FARP1: variants seen among roughly 807,000 people sequenced by gnomAD.
The protein encoded by FARP1 is FERM, ARH/RhoGEF and pleckstrin domain protein 1.
In FARP1, 52 loss-of-function variants were observed where a neutral mutation model predicts 128.8. The ratio of observed to expected loss-of-function variants is 0.40; its 90% confidence interval spans 0.32 to 0.51. The LOEUF is 0.51. Ranked by LOEUF, FARP1 falls within the 20% of genes least tolerant of loss-of-function variation. FARP1 has a pLI of 0.45. For missense variants in FARP1, 1,333 were observed against 1,367.9 expected (o/e 0.97, Z 0.40); for synonymous variants, 580 against 551.8 (o/e 1.05, Z -0.72).
intron 1 of FARP1, among the ~76,000 whole-genome samples, chr13:98,209,904 C>T (rs763860324): frequency 5.4e-5 from 8 of 149,288 alleles, no homozygotes; most frequent in East Asian, 1.9e-4. Context: ...ATTGCTTGAA[C>T]CTGGGAGGTG....
intron 2 of FARP1, among the ~76,000 whole-genome samples, chr13:98,339,397 G>A (rs890224698): frequency 5.3e-5 from 8 of 152,152 alleles, no homozygotes; most frequent in African/African-American, 1.9e-4. Context: ...CAGCAAGGGG[G>A]AAATCTGCCC....
intron 13 of FARP1, chr13:98,395,682 G>A: frequency 5.1e-6 from 3 of 587,470 alleles, no homozygotes; most frequent in Non-Finnish European, 2.8e-6. Flanking sequence ...GGCGAAGAGA[G>A]GCTGGGCGTA....
chr13:98,282,895 GT>G (rs1341596403), intron 2 of FARP1, among the ~76,000 whole-genome samples: 1 of 151,022 alleles, frequency 6.6e-6, no homozygotes, highest in Non-Finnish European at 1.5e-5. Context: ...GCGAGACTCC[GT>G]CTCAAAAAAA....
chr13:98,281,581 A>G (rs905390563), intron 2 of FARP1, among the ~76,000 whole-genome samples: 17 of 152,186 alleles, frequency 1.1e-4, no homozygotes, highest in Non-Finnish European at 1.5e-5. Context: ...CAACAAGCAC[A>G]AGAAAGTCAC....
Position 98,270,102 on chromosome 13 carries a change from A to G in FARP1, c.171+56689A>G, listed in dbSNP as rs568999266. Among the ~76,000 whole-genome samples, 4 of 152,348 alleles carry G rather than the reference A, an allele frequency of 2.6e-5. No homozygotes were observed. In the South Asian group the frequency reaches 8.3e-4, roughly 32 times the overall value. On this transcript the variant is annotated intron_variant, in intron 2 of 26. Coordinates refer to ENST00000319562, the MANE Select transcript of FARP1 (RefSeq NM_005766.4). ...GGCTTTTGAGAATAGGTAATTTTAT[A>G]GAAGGAGAAATGCAGTACATAAAAT... is the stretch of plus-strand genomic sequence containing the variant.
intron 2 of FARP1, among the ~76,000 whole-genome samples, chr13:98,249,120 C>T (rs1883207068): frequency 6.6e-6 from 1 of 152,100 alleles, no homozygotes; most frequent in Non-Finnish European, 1.5e-5. Context: ...CTCCTAGACG[C>T]AACAGTTCAG....
intron 2 of FARP1, among the ~76,000 whole-genome samples, chr13:98,270,555 A>G (rs890337868): frequency 5.3e-5 from 8 of 152,142 alleles, no homozygotes; most frequent in African/African-American, 1.9e-4. Flanking sequence ...CTCCCTTCCT[A>G]GAAATGAGGT....
At chr13:98,267,739 T>G (rs576035046) in intron 2 of FARP1, among the ~76,000 whole-genome samples, 50 of 152,316 alleles carry the variant, frequency 3.3e-4, no homozygotes, top group African/African-American at 1.2e-3. Context: ...GGCCTTTGCC[T>G]TCCCACCGAG....
intron 1 of FARP1, among the ~76,000 whole-genome samples, chr13:98,198,383 T>G (rs1879711487): frequency 6.6e-6 from 1 of 152,220 alleles, no homozygotes; most frequent in East Asian, 1.9e-4. Flanking sequence ...AACTGTGGTA[T>G]ATCCATACAG....
intron 1 of FARP1, among the ~76,000 whole-genome samples, chr13:98,171,893 G>A (rs185617460): frequency 1.8e-3 from 280 of 152,128 alleles, no homozygotes; most frequent in African/African-American, 6.6e-3. Flanking sequence ...ACACGCGCTC[G>A]GTCACATTTC....
chr13:98,325,426 G>A (rs76592738), intron 2 of FARP1, among the ~76,000 whole-genome samples: 5,883 of 152,130 alleles, frequency 0.039, 182 homozygotes, highest in African/African-American at 0.088. Context: ...CCCACCTGAC[G>A]CCCCAGCTTG....
At chr13:98,382,573 G>A (rs1889925254) in intron 6 of FARP1, 1 of 152,090 alleles carries the variant, frequency 6.6e-6, no homozygotes, top group Non-Finnish European at 1.5e-5. Context: ...AGATAGTCAG[G>A]GCTCATTATT....
At chr13:98,368,600 C>A (rs1170357418) in intron 5 of FARP1, among the ~76,000 whole-genome samples, 1 of 152,148 alleles carries the variant, frequency 6.6e-6, no homozygotes, top group African/African-American at 2.4e-5. Flanking sequence ...AAAGTGTGAC[C>A]GCGTGGAAGA....
intron 2 of FARP1, among the ~76,000 whole-genome samples, chr13:98,335,462 T>A (rs1887700746): frequency 1.3e-5 from 2 of 152,180 alleles, no homozygotes; most frequent in South Asian, 4.1e-4. Context: ...GGGAAGTACC[T>A]GCTCCCATGA....
chr13:98,165,710 G>GATT (rs1877204955), intron 1 of FARP1, among the ~76,000 whole-genome samples: 1 of 74,120 alleles, frequency 1.3e-5, no homozygotes, highest in East Asian at 4.6e-4. Flanking sequence ...TCCAGAAGGG[G>GATT]TTTTTTTTTT....
intron 5 of FARP1, among the ~76,000 whole-genome samples, chr13:98,372,069 A>G (rs1320010938): frequency 2.2e-5 from 3 of 139,374 alleles, no homozygotes; most frequent in Non-Finnish European, 3.1e-5. Flanking sequence ...GGAAAAGATG[A>G]TCCCAGTTTT....
At chr13:98,161,845 T>A (rs1006178005) in intron 1 of FARP1, among the ~76,000 whole-genome samples, 3 of 152,098 alleles carry the variant, frequency 2.0e-5, no homozygotes, top group African/African-American at 7.2e-5. Flanking sequence ...AGTGGTGTGA[T>A]CTTAGCTCAC....
intron 3 of FARP1, among the ~76,000 whole-genome samples, chr13:98,358,127 C>T (rs1888714992): frequency 6.6e-6 from 1 of 151,754 alleles, no homozygotes; most frequent in Non-Finnish European, 1.5e-5. Flanking sequence ...GGATAACCCC[C>T]TGTGGCTCTC....
chr13:98,308,473 G>A (rs1690867913), intron 2 of FARP1, among the ~76,000 whole-genome samples: 1 of 152,082 alleles, frequency 6.6e-6, no homozygotes, highest in Admixed American at 6.6e-5. Flanking sequence ...AGAAGATGAG[G>A]TCAGAGGCTG....
Sources: gnomAD v4.1 joint callset for allele counts (sites outside exome capture counted in the v4.1 genomes callset) on GRCh38, gnomAD v4.1.1 for gene constraint, MANE v1.5 for transcripts, NCBI Gene and HGNC (gene_info 2026-07-23, HGNC 2026-07-21) for gene names.